Variants in CCBE1 observed in about 807,000 individuals in gnomAD.
The protein encoded by CCBE1 is collagen and calcium binding EGF domains 1, also known as collagen and calcium-binding EGF domain-containing protein 1.
A neutral mutation model predicts 50.0 loss-of-function variants in CCBE1; 37 were observed. The observed-to-expected ratio is 0.74, with a 90% confidence interval of 0.57 to 0.97. The LOEUF (loss-of-function observed/expected upper bound fraction) is 0.97. Among genes scored for constraint, CCBE1 ranks in the 50% least tolerant of loss-of-function variants. The pLI is 0.00. For synonymous variants in CCBE1, 234 were observed against 203.7 expected (o/e 1.15, Z -1.27); for missense variants, 538 against 523.8 (o/e 1.03, Z -0.26).
At chr18:59,645,918 T>C (rs1217162264) in intron 2 of CCBE1, among the ~76,000 whole-genome samples, 1 of 151,326 alleles carries the variant, frequency 6.6e-6, no homozygotes, top group Non-Finnish European at 1.5e-5. Context: ...GTAGTCCCAG[T>C]GACTTGGGAG....
chr18:59,484,041 T>C (rs1348736892), intron 2 of CCBE1, among the ~76,000 whole-genome samples: 1 of 152,202 alleles, frequency 6.6e-6, no homozygotes, highest in Non-Finnish European at 1.5e-5. Context: ...CCCATGAAGA[T>C]ATAAATTTAT....
intron 2 of CCBE1, among the ~76,000 whole-genome samples, chr18:59,598,059 T>C (rs536713435): frequency 6.6e-6 from 1 of 150,678 alleles, no homozygotes; most frequent in African/African-American, 2.4e-5. Context: ...GTTAGGAACA[T>C]TGGTGGACAC....
chr18:59,663,119 ATAG>A (rs2054307197), intron 2 of CCBE1, among the ~76,000 whole-genome samples: 1 of 148,404 alleles, frequency 6.7e-6, no homozygotes, highest in Non-Finnish European at 1.5e-5. Context: ...AGGGATAGGG[ATAG>A]GAAGAAGGAT....
At chr18:59,636,155 A>G (rs1410379825) in intron 2 of CCBE1, among the ~76,000 whole-genome samples, 1 of 151,790 alleles carries the variant, frequency 6.6e-6, no homozygotes, top group Non-Finnish European at 1.5e-5. Context: ...TCTGTCTCTA[A>G]AAAAAAATAA....
At chr18:59,455,058 G>GGACATGC in intron 5 of CCBE1, 107 bp from the exon 6 acceptor site, 1 of 831,428 alleles carries the variant, frequency 1.2e-6, no homozygotes, top group Non-Finnish European at 2.0e-6. Context: ...GCTGACAGCG[G>GGACATGC]GACATGCGAG....
intron 7 of CCBE1, among the ~76,000 whole-genome samples, chr18:59,443,223 G>A (rs1479131882): frequency 6.6e-6 from 1 of 152,148 alleles, no homozygotes; most frequent in Non-Finnish European, 1.5e-5. Context: ...TATTGGGTTG[G>A]GTTAGCGGCG....
intron 5 of CCBE1, among the ~76,000 whole-genome samples, chr18:59,464,350 C>G (rs1911640561): frequency 1.3e-5 from 2 of 152,176 alleles, no homozygotes; most frequent in Non-Finnish European, 2.9e-5. Flanking sequence ...GCCCCTTGAA[C>G]CCGGGAGGCT....
intron 2 of CCBE1, among the ~76,000 whole-genome samples, chr18:59,632,572 C>A (rs575502255): frequency 1.3e-5 from 2 of 150,912 alleles, no homozygotes; most frequent in East Asian, 2.0e-4. Flanking sequence ...CTGTGCCCAG[C>A]CTTTAAATTT....
At chr18:59,644,216 C>T (rs1167737974) in intron 2 of CCBE1, among the ~76,000 whole-genome samples, 1 of 152,240 alleles carries the variant, frequency 6.6e-6, no homozygotes, top group East Asian at 1.9e-4. Context: ...CCATGAGAAT[C>T]TAATGCCGTT....
In CCBE1 at chr18:59,598,567, C is replaced by T. The variant is rs537177043; in HGVS notation, c.212+98062G>A. Among the ~76,000 whole-genome samples the T allele has an allele frequency of 1.3e-4, 20 of 152,330 alleles. No individual in the cohort carries two copies. In the East Asian group the frequency reaches 2.1e-3, roughly 16 times the overall value. On this transcript the variant is annotated intron_variant, in intron 2 of 10. Coordinates refer to ENST00000439986, the MANE Select transcript of CCBE1 (RefSeq NM_133459.4). ...GCACAGCAGGTGCAGGCTGGAAATG[C>T]TATTGAGCTAACCAATCTACAGTAC...
At chr18:59,563,029 T>C (rs2052764923) in intron 2 of CCBE1, among the ~76,000 whole-genome samples, 1 of 152,232 alleles carries the variant, frequency 6.6e-6, no homozygotes, top group Non-Finnish European at 1.5e-5. Flanking sequence ...TGAGTTTATG[T>C]ATTTTTGTTC....
At chr18:59,631,397 A>G (rs1272895199) in intron 2 of CCBE1, among the ~76,000 whole-genome samples, 2 of 152,198 alleles carry the variant, frequency 1.3e-5, no homozygotes, top group African/African-American at 4.8e-5. Flanking sequence ...ACAATTCTGA[A>G]TTGGGTTTCT....
At chr18:59,509,992 C>T (rs1360153994) in intron 2 of CCBE1, among the ~76,000 whole-genome samples, 1 of 152,020 alleles carries the variant, frequency 6.6e-6, no homozygotes, top group Non-Finnish European at 1.5e-5. Flanking sequence ...AGAAGCCAGC[C>T]AAAAAAACAT....
At chr18:59,554,339 G>A (rs766639430) in intron 2 of CCBE1, among the ~76,000 whole-genome samples, 3 of 152,174 alleles carry the variant, frequency 2.0e-5, no homozygotes, top group Non-Finnish European at 2.9e-5. Context: ...TGGCTTCAGG[G>A]AGAGGAGCTG....
At chr18:59,511,960 T>G (rs992162016) in intron 2 of CCBE1, among the ~76,000 whole-genome samples, 2 of 152,248 alleles carry the variant, frequency 1.3e-5, no homozygotes, top group African/African-American at 4.8e-5. Flanking sequence ...TTCCATTTCT[T>G]GTTCACATGA....
Position 59,671,821 on chromosome 18 carries a change from A to AAGG in CCBE1, c.212+24807_212+24808insCCT, listed in dbSNP as rs1555706970. Among the ~76,000 whole-genome samples the AAGG allele has an allele frequency of 5.5e-3, 770 of 139,818 alleles. 4 individuals carry two copies. Among genetic ancestry groups the AAGG allele is most frequent in the African/African-American group, 0.015 (545 of 37,422 alleles). 91.7% of individuals were successfully genotyped at this position (139,818 alleles called of 152,430 possible). On this transcript the variant is annotated intron_variant, in intron 2 of 10. Transcript: ENST00000439986. ...AGGATGGTGGGAAGGTTAAAAAAAA[A>AAGG]GGGGGGGGGTAGTCAGTATTTACTC...
chr18:59,484,890 T>A (rs1320444325), intron 2 of CCBE1, among the ~76,000 whole-genome samples: 1 of 152,182 alleles, frequency 6.6e-6, no homozygotes, highest in Non-Finnish European at 1.5e-5. Context: ...AAATAAACAC[T>A]GGTTGCACGT....
intron 2 of CCBE1, among the ~76,000 whole-genome samples, chr18:59,583,907 G>A (rs1444259905): frequency 1.3e-5 from 2 of 152,162 alleles, no homozygotes; most frequent in Non-Finnish European, 2.9e-5. Flanking sequence ...TGGTGGGACT[G>A]TAAACTAGTT....
intron 2 of CCBE1, among the ~76,000 whole-genome samples, chr18:59,496,104 A>G (rs2143821779): frequency 6.6e-6 from 1 of 152,252 alleles, no homozygotes; most frequent in African/African-American, 2.4e-5. Flanking sequence ...AAATTTTAAG[A>G]GATAGTGCCT....
Sources: allele counts gnomAD v4.1 joint callset (sites outside exome capture counted in the v4.1 genomes callset), GRCh38; gene constraint gnomAD v4.1.1; transcripts MANE v1.5; gene names NCBI Gene and HGNC (gene_info 2026-07-23, HGNC 2026-07-21).